The following ALMS1 variants were observed in gnomAD, a reference collection of about 807,000 sequenced individuals.
The protein encoded by ALMS1 is ALMS1 centrosome and basal body associated protein.
Under a neutral mutation model 352.2 loss-of-function variants are expected in ALMS1, and 271 were observed. The ratio of observed to expected loss-of-function variants is 0.77; its 90% CI spans 0.70 to 0.85. The LOEUF is 0.85. Among genes scored for constraint, ALMS1 ranks in the 40% least tolerant of loss-of-function variants. The probability of loss-of-function intolerance (pLI) is 0.00; values close to 1 mark genes in which losing one functional copy is unlikely to be tolerated. For synonymous variants in ALMS1, 1,865 were observed against 1,761.2 expected, an observed-to-expected ratio of 1.06 and a Z score of -1.48; for missense variants, 5,445 against 4,870.7, an observed-to-expected ratio of 1.12 and a Z score of -3.51.
chr2:73,432,164 T>C (rs774594860), intron 6 of ALMS1, 34 bp from the exon 7 acceptor site: 3 of 1,538,192 alleles, frequency 2.0e-6, no homozygotes, highest in Non-Finnish European at 2.7e-6. Context: ...ATGAGTCTTT[T>C]TCATTTTTAT....
intron 9 of ALMS1, among the ~76,000 whole-genome samples, chr2:73,479,963 A>G: frequency 6.6e-6 from 1 of 151,798 alleles, no homozygotes; most frequent in Non-Finnish European, 1.5e-5. Context: ...TATTTCCCTA[A>G]TGGTTTTTGA....
intron 12 of ALMS1, among the ~76,000 whole-genome samples, chr2:73,544,664 A>G (rs1674274549): frequency 6.6e-6 from 1 of 152,218 alleles, no homozygotes; most frequent in Non-Finnish European, 1.5e-5. Flanking sequence ...CAAAAAATTA[A>G]ACATAGAATT....
At chr2:73,507,700 T>C (rs185456149) in intron 10 of ALMS1, among the ~76,000 whole-genome samples, 333 of 152,344 alleles carry the variant, frequency 2.2e-3, no homozygotes, top group Non-Finnish European at 3.6e-3. Flanking sequence ...GGTCTATCTA[T>C]TTTGTTAATC....
At chr2:73,561,956 G>A (rs1674672291) in intron 15 of ALMS1, among the ~76,000 whole-genome samples, 2 of 150,788 alleles carry the variant, frequency 1.3e-5, no homozygotes, top group South Asian at 2.1e-4. Flanking sequence ...TGAAAAGGGA[G>A]ATTTAGGGGA....
Position 73,423,079 on chromosome 2 carries a change from A to C in ALMS1, c.764+105A>C, listed in dbSNP as rs1223393251. 1.3e-5 allele frequency: 13 copies of C among 966,828 alleles called. No individual in the cohort carries two copies. In the South Asian group the frequency reaches 1.7e-4, roughly 13 times the overall value. 59.9% of individuals were successfully genotyped at this position (966,828 alleles called of 1,614,324 possible). A position where few individuals can be genotyped will look rare whatever the true frequency, so the allele number is the denominator to read the frequency against. On this transcript the variant is annotated intron_variant, in intron 4 of 22. Coordinates refer to ENST00000613296, the MANE Select transcript of ALMS1 (RefSeq NM_001378454.1). ...TGGGACTTTGAGGTGGGGCTTAGAT[A>C]CTCTTAGGACACGCCCTGAAGGTAA...
Position 73,452,112 on chromosome 2 carries a change from A to G in ALMS1, c.5585A>G (p.Glu1862Gly). Residue 1862 changes from glutamate to glycine, a missense_variant, in exon 8 of 23, where the codon GAG (glutamate) becomes GGG (glycine). Coordinates refer to ENST00000613296, the MANE Select transcript of ALMS1 (RefSeq NM_001378454.1). ...PQREHSVISY[E>G]QELPDLTEVT... ...AGAGAGCACTCTGTCATTTCTTATG[A>G]GCAGGAGTTGCCAGATCTTACTGAA... 1.2e-6 allele frequency: 2 copies of G among 1,614,004 alleles called. No homozygotes were observed. Among genetic ancestry groups the G allele is most frequent in the Non-Finnish European group, 1.7e-6 (2 of 1,179,966 alleles).
chr2:73,516,519 A>G (rs1421989048), intron 10 of ALMS1, among the ~76,000 whole-genome samples: 1 of 152,238 alleles, frequency 6.6e-6, no homozygotes, highest in Non-Finnish European at 1.5e-5. Context: ...GCTATTCACA[A>G]TAGCAAAGAC....
rs575644902 is a variant in ALMS1 at position 73,450,004 on chromosome 2, G to T, written c.3477G>T (p.Leu1159Phe). 47 of 1,613,722 alleles carry T rather than the reference G, an allele frequency of 2.9e-5. No individual in the cohort carries two copies. In the South Asian group the frequency reaches 4.5e-4, roughly 15 times the overall value. ...EKPSIFHQQA[L>F]PGTHIPEEAQ... ...CCAGCATTTTCCACCAGCAGGCCTT[G>T]CCAGGTACTCATATACCTGAAGAGG... Residue 1159 changes from leucine to phenylalanine, a missense_variant, in exon 8 of 23, where the codon TTG becomes TTT. Transcript: ENST00000613296.
At chr2:73,425,950 A>G (rs1380181214) in intron 5 of ALMS1, among the ~76,000 whole-genome samples, 1 of 152,198 alleles carries the variant, frequency 6.6e-6, no homozygotes, top group Admixed American at 6.5e-5. Context: ...TTTGAGTGAA[A>G]AATCTTACAA....
intron 7 of ALMS1, among the ~76,000 whole-genome samples, chr2:73,438,404 A>G (rs941635393): frequency 6.6e-6 from 1 of 152,224 alleles, no homozygotes; most frequent in Non-Finnish European, 1.5e-5. Context: ...ACATAATTTG[A>G]ATAGTTTAGA....
At chr2:73,507,734 T>C (rs896732131) in intron 10 of ALMS1, among the ~76,000 whole-genome samples, 3 of 152,236 alleles carry the variant, frequency 2.0e-5, no homozygotes, top group Non-Finnish European at 4.4e-5. Flanking sequence ...AGCTCCTGAA[T>C]TCGTTGATTT....
intron 16 of ALMS1, among the ~76,000 whole-genome samples, chr2:73,583,341 G>A (rs544469732): frequency 6.6e-6 from 1 of 151,854 alleles, no homozygotes; most frequent in Middle Eastern, 3.4e-3. Context: ...CCATCTTTTA[G>A]TTAGGTATTT....
intron 10 of ALMS1, 97 bp downstream of exon 10, chr2:73,491,595 T>C: frequency 1.5e-6 from 2 of 1,318,228 alleles, no homozygotes; most frequent in Non-Finnish European, 2.2e-6. Flanking sequence ...AAAGGCCGTG[T>C]GATTTCTCTG....
chr2:73,424,134 A>G (rs1250788885), intron 4 of ALMS1, among the ~76,000 whole-genome samples: 2 of 152,190 alleles, frequency 1.3e-5, no homozygotes, highest in Non-Finnish European at 2.9e-5. Context: ...AACGCAGGTT[A>G]AATGAAAAAT....
chr2:73,481,158 A>G (rs1290781384), intron 9 of ALMS1, among the ~76,000 whole-genome samples: 3 of 152,186 alleles, frequency 2.0e-5, no homozygotes, highest in Non-Finnish European at 4.4e-5. Flanking sequence ...GCCCACACCT[A>G]TGTCCTGAAT....
At chr2:73,475,707 T>G (rs1203903793) in intron 9 of ALMS1, among the ~76,000 whole-genome samples, 1 of 152,094 alleles carries the variant, frequency 6.6e-6, no homozygotes, top group Non-Finnish European at 1.5e-5. Flanking sequence ...ACGCAAAAGT[T>G]TTAAATTCTG....
intron 15 of ALMS1, among the ~76,000 whole-genome samples, chr2:73,561,566 A>C (rs944690744): frequency 3.3e-5 from 5 of 152,124 alleles, no homozygotes; most frequent in African/African-American, 9.7e-5. Flanking sequence ...GTGATTGCCC[A>C]GGCTTGTGAG....
chr2:73,506,362 T>A (rs1673320534), intron 10 of ALMS1, among the ~76,000 whole-genome samples: 1 of 152,234 alleles, frequency 6.6e-6, no homozygotes, highest in Non-Finnish European at 1.5e-5. Context: ...GCATTGAATC[T>A]ATAAATTACT....
At chr2:73,400,076 C>T (rs1473378974) in intron 1 of ALMS1, among the ~76,000 whole-genome samples, 2 of 151,714 alleles carry the variant, frequency 1.3e-5, no homozygotes, top group Non-Finnish European at 2.9e-5. Flanking sequence ...TAACTGGGAC[C>T]ACAGGCATGT....
Sources: allele counts gnomAD v4.1 joint callset (sites outside exome capture counted in the v4.1 genomes callset), GRCh38; gene constraint gnomAD v4.1.1; transcripts MANE v1.5; gene names NCBI Gene and HGNC (gene_info 2026-07-23, HGNC 2026-07-21).